The following NAALADL2 variants were observed in gnomAD, a reference collection of about 807,000 sequenced individuals.
The protein encoded by NAALADL2 is N-acetylated alpha-linked acidic dipeptidase like 2.
In NAALADL2, 76 loss-of-function variants were observed where a neutral mutation model predicts 87.2. That is an observed-to-expected ratio of 0.87 (90% CI 0.72 to 1.05). The LOEUF is 1.05. NAALADL2 is among the 50% of genes least tolerant of loss of function. The pLI is 0.00. For synonymous variants in NAALADL2, 354 were observed against 331.0 expected, an observed-to-expected ratio of 1.07 and a Z score of -0.75; for missense variants, 1,089 against 945.8, an observed-to-expected ratio of 1.15 and a Z score of -1.99.
chr3:174,695,502 T>G (rs1426603815), intron 2 of NAALADL2, among the ~76,000 whole-genome samples: 1 of 151,960 alleles, frequency 6.6e-6, no homozygotes, highest in Non-Finnish European at 1.5e-5. Context: ...AAACACTAAT[T>G]TCCCAACAAG....
intron 5 of NAALADL2, among the ~76,000 whole-genome samples, chr3:175,340,454 G>A (rs1248586999): frequency 6.6e-6 from 1 of 152,182 alleles, no homozygotes; most frequent in Admixed American, 6.5e-5. Flanking sequence ...AGGAGCCCTC[G>A]ATTGCTGGGA....
At chr3:174,537,441 C>T (rs944624977) in intron 1 of NAALADL2, among the ~76,000 whole-genome samples, 1 of 152,240 alleles carries the variant, frequency 6.6e-6, no homozygotes, top group African/African-American at 2.4e-5. Context: ...TTTGAAATAG[C>T]GTTTTAAGCA....
chr3:174,881,033 CTT>C (rs1359956451), intron 1 of NAALADL2, among the ~76,000 whole-genome samples: 1 of 152,068 alleles, frequency 6.6e-6, no homozygotes, highest in Non-Finnish European at 1.5e-5. Flanking sequence ...CTGTTCTTCT[CTT>C]TTAAGGATAC....
At chr3:175,705,527 G>A (rs1739561374) in intron 11 of NAALADL2, among the ~76,000 whole-genome samples, 1 of 149,994 alleles carries the variant, frequency 6.7e-6, no homozygotes, top group Non-Finnish European at 1.5e-5. Context: ...AGAAGTTGGA[G>A]GTGAGGAGAA....
At position 175,471,544 on chromosome 3, in the gene NAALADL2, T is replaced by A. The variant is rs551704861; in HGVS notation, c.1534-95T>A. 3.1e-5 allele frequency: 22 copies of A among 716,798 alleles called. No homozygotes were observed. In the South Asian group the frequency reaches 3.9e-4, roughly 13 times the overall value. 44.4% of individuals were successfully genotyped at this position (716,798 alleles called of 1,614,324 possible). A position where few individuals can be genotyped will look rare whatever the true frequency, so the allele number is the denominator to read the frequency against. On this transcript the variant is annotated intron_variant, in intron 8 of 13. Transcript: ENST00000454872. Reference sequence around the variant, plus strand: ...AATTATGCAATATAATAATTTTAAGTATGAAATGAAATGTTCATTATTCAA... The same window carrying A: ...AATTATGCAATATAATAATTTTAAGAATGAAATGAAATGTTCATTATTCAA...
chr3:175,060,704 G>A (rs1296217904), intron 1 of NAALADL2, among the ~76,000 whole-genome samples: 2 of 152,146 alleles, frequency 1.3e-5, no homozygotes, highest in Non-Finnish European at 2.9e-5. Flanking sequence ...TACATAGTAG[G>A]ACAATATCTG....
intron 11 of NAALADL2, among the ~76,000 whole-genome samples, chr3:175,667,135 GAAAGAA>G (rs1288379086): frequency 7.1e-6 from 1 of 140,078 alleles, no homozygotes; most frequent in African/African-American, 2.7e-5. Flanking sequence ...GAAAAAGAAA[GAAAGAA>G]AGAGAGAGAG....
At chr3:175,530,937 C>G (rs2149443928) in intron 9 of NAALADL2, among the ~76,000 whole-genome samples, 1 of 152,240 alleles carries the variant, frequency 6.6e-6, no homozygotes, top group East Asian at 1.9e-4. Context: ...AGAGCTGTCT[C>G]TCAAAAGGAG....
At chr3:175,487,008 A>G (rs1727372632) in intron 9 of NAALADL2, among the ~76,000 whole-genome samples, 1 of 152,162 alleles carries the variant, frequency 6.6e-6, no homozygotes, top group African/African-American at 2.4e-5. Context: ...TTCTCAGCAA[A>G]GTAGCCAGTT....
intron 1 of NAALADL2, among the ~76,000 whole-genome samples, chr3:175,042,648 T>G (rs1185320828): frequency 6.6e-6 from 1 of 152,228 alleles, no homozygotes; most frequent in Non-Finnish European, 1.5e-5. Context: ...TGAGGTGATA[T>G]CTCACTGAGA....
chr3:175,767,901 C>G (rs998096733), intron 13 of NAALADL2, among the ~76,000 whole-genome samples: 2 of 152,144 alleles, frequency 1.3e-5, no homozygotes, highest in African/African-American at 4.8e-5. Flanking sequence ...AAAGCAGATT[C>G]GGTTCTACTT....
intron 2 of NAALADL2, among the ~76,000 whole-genome samples, chr3:174,660,338 A>G (rs1725389173): frequency 6.6e-6 from 1 of 152,148 alleles, no homozygotes; most frequent in African/African-American, 2.4e-5. Flanking sequence ...TCAGTGTTAA[A>G]ATATTCATTA....
At position 175,805,418 on chromosome 3, in the gene NAALADL2, T is replaced by C. The variant is rs1253140769; in HGVS notation, c.*2215T>C. 6.6e-6 allele frequency: 1 copy of C among 151,868 alleles called. No homozygotes were observed. The highest frequency in any genetic ancestry group is 1.9e-4 in the East Asian group (1 of 5,186). 9.4% of individuals were successfully genotyped at this position (151,868 alleles called of 1,614,324 possible). The stretch of plus-strand genomic sequence containing the variant: ...AAAACTGTAGTTAACTATGGTTTTT[T>C]ATTAGTCTATTAAAAGATACGTGGA... On this transcript the variant is annotated 3_prime_UTR_variant, in exon 14 of 14. Transcript: ENST00000454872.
chr3:175,340,428 A>G (rs1762451076), intron 5 of NAALADL2, among the ~76,000 whole-genome samples: 2 of 152,144 alleles, frequency 1.3e-5, no homozygotes, highest in African/African-American at 4.8e-5. Context: ...CTCTATTTAC[A>G]GCTGACAGAT....
intron 3 of NAALADL2, among the ~76,000 whole-genome samples, chr3:174,827,636 C>G (rs1722150733): frequency 6.6e-6 from 1 of 152,190 alleles, no homozygotes; most frequent in Admixed American, 6.5e-5. Flanking sequence ...TTATTTATCT[C>G]TTGCCATATA....
intron 11 of NAALADL2, among the ~76,000 whole-genome samples, chr3:175,679,248 A>G (rs1560964469): frequency 6.6e-6 from 1 of 151,684 alleles, no homozygotes; most frequent in East Asian, 1.9e-4. Context: ...GAGGCCTGAC[A>G]ACATGTACCC....
At chr3:174,763,010 A>G (rs1012473015) in intron 3 of NAALADL2, among the ~76,000 whole-genome samples, 3 of 152,170 alleles carry the variant, frequency 2.0e-5, no homozygotes, top group Admixed American at 6.5e-5. Flanking sequence ...ATAACTGTAA[A>G]TAAAGGAGAT....
At chr3:174,559,770 A>C (rs1329416903) in intron 2 of NAALADL2, among the ~76,000 whole-genome samples, 1 of 152,144 alleles carries the variant, frequency 6.6e-6, no homozygotes, top group Non-Finnish European at 1.5e-5. Context: ...TCCATTTATG[A>C]GGGCTCCACC....
chr3:174,443,157 A>G lies in NAALADL2; in HGVS notation c.-184+2125A>G, dbSNP rs75879483. ...GACAAGAGGAATGACATGATCTAAC[A>G]CATCTGTTTGATACCATTACTCTGC... On this transcript the variant is annotated intron_variant, in intron 1 of 3. Transcript: ENST00000434257. Among the ~76,000 whole-genome samples the G allele has an allele frequency of 3.3e-3, 501 of 152,352 alleles. 1 individual carries two copies. The highest frequency in any genetic ancestry group is 5.7e-3 in the Admixed American group (87 of 15,306).
Sources: allele counts gnomAD v4.1 joint callset (sites outside exome capture counted in the v4.1 genomes callset), GRCh38; gene constraint gnomAD v4.1.1; transcripts MANE v1.5; gene names NCBI Gene and HGNC (gene_info 2026-07-23, HGNC 2026-07-21).